CAMTA1: variants seen among roughly 807,000 people sequenced by gnomAD.
The protein encoded by CAMTA1 is calmodulin-binding transcription activator 1.
In CAMTA1, 27 loss-of-function variants were observed where a neutral mutation model predicts 170.9. That is an observed-to-expected ratio of 0.16 (90% CI 0.12 to 0.22). The LOEUF is 0.22. Among genes scored for constraint, CAMTA1 ranks in the 10% least tolerant of loss-of-function variants. CAMTA1 has a pLI of 1.00. For missense variants in CAMTA1, 1,619 were observed against 2,217.2 expected, an observed-to-expected ratio of 0.73 and a Z score of 5.42; for synonymous variants, 833 against 891.5, an observed-to-expected ratio of 0.93 and a Z score of 1.17.
intron 3 of CAMTA1, among the ~76,000 whole-genome samples, chr1:6,940,853 C>T (rs1180143245): frequency 2.2e-4 from 1 of 4,502 alleles, no homozygotes; most frequent in Admixed American, 3.8e-3. Context: ...TCAGCACTAT[C>T]CCCCATTTGT....
chr1:7,057,127 G>T (rs1195638242), intron 3 of CAMTA1, among the ~76,000 whole-genome samples: 4 of 152,186 alleles, frequency 2.6e-5, no homozygotes, highest in Non-Finnish European at 5.9e-5. Flanking sequence ...TCTCCACCAG[G>T]CCTGAGATGG....
At position 7,044,149 on chromosome 1, in the gene CAMTA1, TCA is replaced by T. The variant is rs1704960939; in HGVS notation, c.235-47152_235-47151del. Among the ~76,000 whole-genome samples, 1 of 152,204 alleles carries T rather than the reference TCA, an allele frequency of 6.6e-6. No individual in the cohort carries two copies. The highest frequency in any genetic ancestry group is 3.2e-3 in the Middle Eastern group (1 of 316). On this transcript the variant is annotated intron_variant, in intron 3 of 22. Coordinates refer to ENST00000303635, the MANE Select transcript of CAMTA1 (RefSeq NM_015215.4). This position sits in a 1 kb window ranked among gnomAD's most constrained non-coding sequence, Gnocchi z 5.0. The stretch of plus-strand genomic sequence containing the variant: ...TGTCTCTGCAGAAGGCACGTGGGTG[TCA>T]CATATGCACACACATGCATGCACAG...
At chr1:7,587,604 G>A (rs1422566820) in intron 6 of CAMTA1, among the ~76,000 whole-genome samples, 3 of 152,016 alleles carry the variant, frequency 2.0e-5, no homozygotes, top group South Asian at 2.1e-4. Flanking sequence ...TTACTTACTC[G>A]TCTGCTGCCT....
chr1:7,271,605 T>TAGAC (rs1487257806), intron 5 of CAMTA1, among the ~76,000 whole-genome samples: 1 of 138,704 alleles, frequency 7.2e-6, no homozygotes, highest in Non-Finnish European at 1.5e-5. Context: ...GATAGATAGA[T>TAGAC]AGATAGATAC....
At chr1:7,621,769 G>A (rs2095600246) in intron 6 of CAMTA1, among the ~76,000 whole-genome samples, 1 of 152,212 alleles carries the variant, frequency 6.6e-6, no homozygotes, top group South Asian at 2.1e-4. Flanking sequence ...TCCCGAGCAG[G>A]TCGGGGGTGC....
chr1:7,451,255 C>T (rs907046642), intron 5 of CAMTA1, among the ~76,000 whole-genome samples: 5 of 152,278 alleles, frequency 3.3e-5, no homozygotes, highest in South Asian at 2.1e-4. Flanking sequence ...CAGAACCTAC[C>T]GGGAGGGGTT....
intron 3 of CAMTA1, among the ~76,000 whole-genome samples, chr1:6,955,244 GTGA>G (rs1180843726): frequency 1.3e-5 from 2 of 152,062 alleles, no homozygotes; most frequent in Non-Finnish European, 1.5e-5. Flanking sequence ...GATAGTGACG[GTGA>G]TGATGATGAT....
intron 3 of CAMTA1, among the ~76,000 whole-genome samples, chr1:6,974,051 C>T (rs1255334575): frequency 6.6e-6 from 1 of 152,194 alleles, no homozygotes; most frequent in African/African-American, 2.4e-5. Flanking sequence ...ACGTTTGGCC[C>T]AGAATGGCAT....
chr1:7,254,337 G>A (rs1046504252), intron 5 of CAMTA1, among the ~76,000 whole-genome samples: 1 of 152,120 alleles, frequency 6.6e-6, no homozygotes, highest in African/African-American at 2.4e-5. Flanking sequence ...CAGCACAGAG[G>A]CTGTTGGTTT....
intron 6 of CAMTA1, among the ~76,000 whole-genome samples, chr1:7,542,771 C>T (rs897331114): frequency 4.6e-5 from 7 of 151,996 alleles, no homozygotes; most frequent in Admixed American, 3.3e-4. Flanking sequence ...TCAAGTGAAT[C>T]TGCCCGCCTT....
At position 7,307,245 on chromosome 1, in the gene CAMTA1, A is replaced by C. The variant is rs193197801; in HGVS notation, c.438+57619A>C. Reference sequence around the variant, plus strand: ...ATTTTTTAAGAACTGGTTTTCACTAATTCATTGCTAGTATATAAAAATACA... The same window carrying C: ...ATTTTTTAAGAACTGGTTTTCACTACTTCATTGCTAGTATATAAAAATACA... On this transcript the variant is annotated intron_variant, in intron 5 of 22. Transcript: ENST00000303635. Among the ~76,000 whole-genome samples, 8 of 152,084 alleles carry C rather than the reference A, an allele frequency of 5.3e-5. No individual in the cohort carries two copies. The East Asian group carries it at 9.6e-4, about 18-fold the overall frequency.
At chr1:7,398,191 CTCTATATATATATA>C (rs1167824253) in intron 5 of CAMTA1, among the ~76,000 whole-genome samples, 42 of 26,894 alleles carry the variant, frequency 1.6e-3, no homozygotes, top group East Asian at 4.9e-3. Context: ...CTCTCTCTCT[CTCTATATATATATA>C]TATATATATA....
intron 5 of CAMTA1, among the ~76,000 whole-genome samples, chr1:7,264,893 G>T (rs1668674480): frequency 6.6e-6 from 1 of 152,152 alleles, no homozygotes; most frequent in African/African-American, 2.4e-5. Context: ...TTGATGAATA[G>T]AATGCCTTAA....
chr1:7,682,271 G>A lies in CAMTA1; in HGVS notation c.2914+4538G>A, dbSNP rs1166465975. 6.6e-6 allele frequency among the ~76,000 whole-genome samples: 1 copy of A among 152,230 alleles called. No homozygotes were observed. Among genetic ancestry groups the A allele is most frequent in the Non-Finnish European group, 1.5e-5 (1 of 68,046 alleles). The stretch of plus-strand genomic sequence containing the variant: ...CTTCCTGGGCAAGCCTCAGTGTAAG[G>A]TGGGTGAGCCCAGACAGCTTGCCCC... On this transcript the variant is annotated intron_variant, in intron 11 of 22. Transcript: ENST00000303635. This position sits in a 1 kb window ranked among gnomAD's most constrained non-coding sequence, Gnocchi z 5.0.
At chr1:7,368,012 C>A (rs1574954142) in intron 5 of CAMTA1, among the ~76,000 whole-genome samples, 1 of 151,024 alleles carries the variant, frequency 6.6e-6, no homozygotes, top group East Asian at 2.0e-4. Flanking sequence ...AGGCCCTGGG[C>A]ACTCATGGTT....
chr1:7,741,449 G>GC (rs1429610438), intron 16 of CAMTA1, among the ~76,000 whole-genome samples: 1 of 151,956 alleles, frequency 6.6e-6, no homozygotes, highest in African/African-American at 2.4e-5. Flanking sequence ...TGTAGTCCCA[G>GC]TACTCGGGAG....
chr1:6,944,142 G>A (rs74051068), intron 3 of CAMTA1, among the ~76,000 whole-genome samples: 1,947 of 152,212 alleles, frequency 0.013, 35 homozygotes, highest in African/African-American at 0.044. Context: ...TTTGTGACTG[G>A]CCTATTTCAC....
At chr1:7,689,667 G>C (rs1190522792) in intron 11 of CAMTA1, among the ~76,000 whole-genome samples, 1 of 152,218 alleles carries the variant, frequency 6.6e-6, no homozygotes, top group Non-Finnish European at 1.5e-5. Flanking sequence ...TTGTCCCATA[G>C]TCCAATCTCC....
At chr1:7,438,022 A>G (rs1557712700) in intron 5 of CAMTA1, among the ~76,000 whole-genome samples, 4 of 152,234 alleles carry the variant, frequency 2.6e-5, no homozygotes. Context: ...GGCCTTGCTG[A>G]GAGTGGGACG....
Sources: allele counts gnomAD v4.1 joint callset (sites outside exome capture counted in the v4.1 genomes callset), GRCh38; gene constraint gnomAD v4.1.1; non-coding constraint Gnocchi (gnomAD v3.1); transcripts MANE v1.5; gene names NCBI Gene and HGNC (gene_info 2026-07-23, HGNC 2026-07-21).